PPARGC1A: variants seen among roughly 807,000 people sequenced by gnomAD.
PPARGC1A encodes peroxisome proliferator-activated receptor gamma coactivator 1-alpha.
PPARGC1A carries 25 observed loss-of-function variants against 88.7 expected under a neutral mutation model. The observed-to-expected ratio is 0.28, with a 90% CI of 0.21 to 0.39. PPARGC1A has a LOEUF of 0.39. PPARGC1A is among the 10% of genes least tolerant of loss of function. The pLI is 1.00. For missense variants in PPARGC1A, 880 were observed against 968.7 expected (o/e 0.91, Z 1.22); for synonymous variants, 363 against 355.6 (o/e 1.02, Z -0.24).
chr4:24,350,334 C>A, the PPARGC1A span, among the ~76,000 whole-genome samples: 5 of 152,156 alleles, frequency 3.3e-5, no homozygotes, highest in African/African-American at 1.2e-4. Flanking sequence ...CATTTTGAAC[C>A]AGTAAAGCTG....
the PPARGC1A span, among the ~76,000 whole-genome samples, chr4:23,953,768 G>C: frequency 6.6e-6 from 1 of 151,920 alleles, no homozygotes; most frequent in South Asian, 2.1e-4. Context: ...GATTCAAGTC[G>C]TCAAACAACT....
chr4:24,145,158 T>G, the PPARGC1A span, among the ~76,000 whole-genome samples: 1 of 151,312 alleles, frequency 6.6e-6, no homozygotes, highest in Non-Finnish European at 1.5e-5. Context: ...GGTAAGCACT[T>G]TACATGTATT....
At chr4:24,324,361 T>C in the PPARGC1A span, among the ~76,000 whole-genome samples, 3 of 151,436 alleles carry the variant, frequency 2.0e-5, no homozygotes, top group Non-Finnish European at 4.4e-5. Context: ...CAACCTCTTA[T>C]CTCTGTGCCC....
At chr4:24,124,591 G>A in the PPARGC1A span, among the ~76,000 whole-genome samples, 1 of 152,184 alleles carries the variant, frequency 6.6e-6, no homozygotes, top group Non-Finnish European at 1.5e-5. Context: ...TCTCTGGAAA[G>A]CAGGGGAGAG....
At chr4:23,884,389 G>A in intron 2 of PPARGC1A, 1 of 292,680 alleles carries the variant, frequency 3.4e-6, no homozygotes, top group Non-Finnish European at 6.2e-6. Context: ...TAATTTATAT[G>A]AGGTACCATT....
chr4:23,890,973 C>A (rs1330881364), upstream of PPARGC1A, among the ~76,000 whole-genome samples: 1 of 152,260 alleles, frequency 6.6e-6, no homozygotes, highest in South Asian at 2.1e-4. Flanking sequence ...AATTCCAACC[C>A]TAGTGCCCTG....
At chr4:24,326,891 C>T in the PPARGC1A span, among the ~76,000 whole-genome samples, 5 of 152,096 alleles carry the variant, frequency 3.3e-5, no homozygotes, top group Non-Finnish European at 5.9e-5. Flanking sequence ...AGAGGCCTTT[C>T]CTACAAGGTC....
At chr4:23,934,396 C>T in the PPARGC1A span, among the ~76,000 whole-genome samples, 13 of 152,176 alleles carry the variant, frequency 8.5e-5, no homozygotes, top group African/African-American at 1.9e-4. Context: ...CTGAAGTAGC[C>T]GTGCTAGTAG....
chr4:24,416,604 A>G, the PPARGC1A span, among the ~76,000 whole-genome samples: 28 of 152,300 alleles, frequency 1.8e-4, no homozygotes, highest in African/African-American at 6.3e-4. Flanking sequence ...TTTAATTAGA[A>G]GTCCTGGGCC....
At chr4:24,232,798 T>C in the PPARGC1A span, among the ~76,000 whole-genome samples, 1 of 152,188 alleles carries the variant, frequency 6.6e-6, no homozygotes, top group Non-Finnish European at 1.5e-5. Flanking sequence ...ACTCAGGGCA[T>C]TGTCCTAGAA....
At chr4:24,140,293 A>T in the PPARGC1A span, among the ~76,000 whole-genome samples, 1 of 152,242 alleles carries the variant, frequency 6.6e-6, no homozygotes, top group Non-Finnish European at 1.5e-5. Context: ...AGGTGGGGAC[A>T]GATAAAGATA....
At chr4:24,266,445 G>A in the PPARGC1A span, among the ~76,000 whole-genome samples, 2 of 152,194 alleles carry the variant, frequency 1.3e-5, no homozygotes, top group East Asian at 3.9e-4. Context: ...CAGTCAGTCA[G>A]TAGGTGCCTC....
At chr4:24,023,383 G>A in the PPARGC1A span, among the ~76,000 whole-genome samples, 42 of 151,970 alleles carry the variant, frequency 2.8e-4, no homozygotes, top group Admixed American at 4.6e-4. Flanking sequence ...AGACAGGTTT[G>A]GAAAAAAAAC....
the PPARGC1A span, among the ~76,000 whole-genome samples, chr4:24,311,611 G>A: frequency 1.8e-4 from 28 of 151,988 alleles, no homozygotes; most frequent in South Asian, 6.3e-4. Flanking sequence ...CTGCACTCCA[G>A]TCTGGGTGAC....
At chr4:24,079,674 T>C in the PPARGC1A span, among the ~76,000 whole-genome samples, 4 of 152,026 alleles carry the variant, frequency 2.6e-5, no homozygotes, top group South Asian at 2.1e-4. Context: ...CATGATCAGA[T>C]AAATGTTACC....
At chr4:24,051,863 C>T in the PPARGC1A span, among the ~76,000 whole-genome samples, 4 of 149,398 alleles carry the variant, frequency 2.7e-5, no homozygotes, top group South Asian at 4.3e-4. Flanking sequence ...GAATAGGCAC[C>T]GAGGCATTGA....
chr4:23,940,541 C>T, the PPARGC1A span, among the ~76,000 whole-genome samples: 1 of 152,032 alleles, frequency 6.6e-6, no homozygotes, highest in African/African-American at 2.4e-5. Flanking sequence ...AACAAATCAC[C>T]AAACAAAAAA....
At chr4:23,826,849 A>G (rs912594200) in intron 5 of PPARGC1A, among the ~76,000 whole-genome samples, 1 of 152,130 alleles carries the variant, frequency 6.6e-6, no homozygotes, top group African/African-American at 2.4e-5. Flanking sequence ...CATGATTTGT[A>G]AAAGTTTACT....
At chr4:24,193,503 T>C in the PPARGC1A span, among the ~76,000 whole-genome samples, 7 of 152,134 alleles carry the variant, frequency 4.6e-5, no homozygotes, top group African/African-American at 1.7e-4. Context: ...GTTTTACCCT[T>C]CCTAATTGCA....
Sources: allele counts gnomAD v4.1 joint callset (sites outside exome capture counted in the v4.1 genomes callset), GRCh38; gene constraint gnomAD v4.1.1; transcripts MANE v1.5; gene names NCBI Gene and HGNC (gene_info 2026-07-23, HGNC 2026-07-21).